The following METTL15 variants were observed in gnomAD, a reference collection of about 807,000 sequenced individuals.
METTL15 encodes the protein methyltransferase 15, mitochondrial 12S rRNA N4-cytidine.
METTL15 carries 34 observed loss-of-function variants against 38.3 expected under a neutral mutation model. The observed-to-expected ratio is 0.89, with a 90% CI of 0.68 to 1.18. The LOEUF is 1.18. Among genes scored for constraint, METTL15 ranks in the 50% most tolerant of loss-of-function variants. The pLI is 0.00. For synonymous variants in METTL15, 162 were observed against 170.9 expected (o/e 0.95, Z 0.41); for missense variants, 438 against 498.4 (o/e 0.88, Z 1.15).
intron 3 of METTL15, among the ~76,000 whole-genome samples, chr11:28,206,515 G>C (rs1852352488): frequency 6.6e-6 from 1 of 151,846 alleles, no homozygotes; most frequent in Non-Finnish European, 1.5e-5. Flanking sequence ...CTGTAGCCTT[G>C]TAGTATAGTT....
intron 5 of METTL15, among the ~76,000 whole-genome samples, chr11:28,400,114 T>G (rs1279628792): frequency 1.3e-5 from 2 of 152,018 alleles, no homozygotes; most frequent in Non-Finnish European, 1.5e-5. Context: ...AGAGAAATCT[T>G]GCCATACAGA....
At chr11:28,222,286 G>C (rs1476669215) in intron 4 of METTL15, among the ~76,000 whole-genome samples, 2 of 152,128 alleles carry the variant, frequency 1.3e-5, no homozygotes, top group African/African-American at 2.4e-5. Context: ...CTGCTCCCTT[G>C]CCGTTTGATC....
At chr11:28,302,089 T>C (rs1047687324) in intron 6 of METTL15, among the ~76,000 whole-genome samples, 8 of 152,012 alleles carry the variant, frequency 5.3e-5, no homozygotes, top group African/African-American at 1.9e-4. Context: ...TTTTAATTTT[T>C]ATTTTTAGAA....
At chr11:28,122,089 AT>A in intron 3 of METTL15, 1 of 1,126,058 alleles carries the variant, frequency 8.9e-7, no homozygotes, top group Non-Finnish European at 1.1e-6. Context: ...TGTAATGTGT[AT>A]TAACTCCATC....
chr11:28,213,441 T>C (rs1306888351), intron 4 of METTL15, among the ~76,000 whole-genome samples: 1 of 151,976 alleles, frequency 6.6e-6, no homozygotes, highest in African/African-American at 2.4e-5. Context: ...CATCATAAGA[T>C]AATAAAACTG....
intron 5 of METTL15, among the ~76,000 whole-genome samples, chr11:28,370,058 C>T (rs1813632683): frequency 6.6e-6 from 1 of 152,036 alleles, no homozygotes; most frequent in South Asian, 2.1e-4. Context: ...AAATATTTGT[C>T]TTTATGCTAG....
At chr11:28,508,985 T>C (rs972547766) in intron 6 of METTL15, among the ~76,000 whole-genome samples, 1 of 152,204 alleles carries the variant, frequency 6.6e-6, no homozygotes, top group African/African-American at 2.4e-5. Flanking sequence ...GGAGCCAGTT[T>C]TCATGTTTCT....
intron 3 of METTL15, among the ~76,000 whole-genome samples, chr11:28,126,352 C>T (rs1450824896): frequency 6.6e-6 from 1 of 151,934 alleles, no homozygotes; most frequent in East Asian, 1.9e-4. Context: ...ACTGTCTGCC[C>T]CTTCCTCCCC....
chr11:28,231,382 A>G (rs1425599019), intron 4 of METTL15, among the ~76,000 whole-genome samples: 1 of 151,938 alleles, frequency 6.6e-6, no homozygotes, highest in Non-Finnish European at 1.5e-5. Context: ...TCATAGGACA[A>G]ATAAAATAAT....
intron 3 of METTL15, among the ~76,000 whole-genome samples, chr11:28,124,097 TC>T (rs1712774884): frequency 6.6e-6 from 1 of 152,170 alleles, no homozygotes; most frequent in Non-Finnish European, 1.5e-5. Context: ...AGGAAATGTC[TC>T]TAATGCATAT....
intron 4 of METTL15, among the ~76,000 whole-genome samples, chr11:28,217,409 G>GT (rs1469265045): frequency 6.6e-6 from 1 of 152,094 alleles, no homozygotes; most frequent in African/African-American, 2.4e-5. Context: ...TGAAGGGGTT[G>GT]TTTTTTTCTT....
At chr11:28,426,791 T>A (rs576762699) in intron 6 of METTL15, among the ~76,000 whole-genome samples, 13 of 152,144 alleles carry the variant, frequency 8.5e-5, no homozygotes, top group East Asian at 3.9e-4. Flanking sequence ...TTGTTTATTT[T>A]TTTTTTCTTG....
chr11:28,368,686 T>C (rs925858020), intron 5 of METTL15, among the ~76,000 whole-genome samples: 2 of 152,136 alleles, frequency 1.3e-5, no homozygotes, highest in Admixed American at 6.5e-5. Flanking sequence ...CATTCTACTA[T>C]AAAGATGCAT....
chr11:28,525,348 C>T (rs1851801265), intron 6 of METTL15, among the ~76,000 whole-genome samples: 1 of 152,156 alleles, frequency 6.6e-6, no homozygotes. Context: ...CATTTACAAT[C>T]CCTGAGCTAG....
At chr11:28,385,341 G>C (rs372961514) in intron 5 of METTL15, among the ~76,000 whole-genome samples, 55 of 152,194 alleles carry the variant, frequency 3.6e-4, no homozygotes, top group African/African-American at 1.2e-3. Flanking sequence ...AAGGGATCCA[G>C]TTTCAACCTT....
chr11:28,169,123 G>A (rs1850761744), intron 3 of METTL15, among the ~76,000 whole-genome samples: 1 of 152,170 alleles, frequency 6.6e-6, no homozygotes, highest in Non-Finnish European at 1.5e-5. Flanking sequence ...TGATTAAAAT[G>A]TATGTTTAAT....
intron 5 of METTL15, among the ~76,000 whole-genome samples, chr11:28,413,440 A>G (rs1850746560): frequency 6.6e-6 from 1 of 152,206 alleles, no homozygotes; most frequent in South Asian, 2.1e-4. Context: ...GCGAGATATA[A>G]TTTTTACAGG....
chr11:28,384,132 A>G (rs1333410572), intron 5 of METTL15, among the ~76,000 whole-genome samples: 1 of 152,072 alleles, frequency 6.6e-6, no homozygotes. Context: ...CCTGCAATGG[A>G]TAAGATATTG....
At chr11:28,373,789 C>A (rs531333166) in intron 5 of METTL15, among the ~76,000 whole-genome samples, 3 of 152,100 alleles carry the variant, frequency 2.0e-5, no homozygotes, top group Non-Finnish European at 2.9e-5. Context: ...TAGGGTTTTT[C>A]TGGTTTTAGG....
Sources: allele counts gnomAD v4.1 joint callset (sites outside exome capture counted in the v4.1 genomes callset), GRCh38; gene constraint gnomAD v4.1.1; transcripts MANE v1.5; gene names NCBI Gene and HGNC (gene_info 2026-07-23, HGNC 2026-07-21).